SPTY2D1: variants seen among roughly 807,000 people sequenced by gnomAD.
SPTY2D1 encodes protein SPT2 homolog.
SPTY2D1 carries 21 observed loss-of-function variants against 64.0 expected under a neutral mutation model. The ratio of observed to expected loss-of-function variants is 0.33; its 90% CI spans 0.23 to 0.47. SPTY2D1 has a LOEUF of 0.47. Ranked by LOEUF, SPTY2D1 falls within the 20% of genes least tolerant of loss-of-function variation. SPTY2D1 has a pLI of 1.00. For synonymous variants in SPTY2D1, 287 were observed against 286.8 expected (o/e 1.00, Z -0.01); for missense variants, 724 against 837.2 (o/e 0.86, Z 1.67).
chr11:18,614,545 G>C lies in SPTY2D1; in HGVS notation c.1711+18C>G. 1 of 1,587,854 alleles carries C rather than the reference G, an allele frequency of 6.3e-7. No individual in the cohort carries two copies. Among genetic ancestry groups the C allele is most frequent in the South Asian group, 1.1e-5 (1 of 88,394 alleles). ...CTAATGACAAATATATACTCTTTCG[G>C]GTGAGGGGAAATTTTACCTTGGGCA... On this transcript the variant is annotated intron_variant, in intron 3 of 5. Coordinates refer to ENST00000336349, the MANE Select transcript of SPTY2D1 (RefSeq NM_194285.3).
At position 18,634,270 on chromosome 11, in the gene SPTY2D1, C is replaced by A. The variant is rs1291082376; in HGVS notation, c.-13G>T. 1.2e-6 allele frequency: 2 copies of A among 1,614,018 alleles called. No homozygotes were observed. The highest frequency in any genetic ancestry group is 1.7e-6 in the Non-Finnish European group (2 of 1,179,994). ...CTCTGAAGTCCATGTTGGGCCGAGG[C>A]GGGAGAGACTGGGCCAGGCACTCGG... On this transcript the variant is annotated 5_prime_UTR_variant, in exon 1 of 6. Coordinates refer to ENST00000336349, the MANE Select transcript of SPTY2D1 (RefSeq NM_194285.3).
chr11:18,620,716 C>G (rs1241723899), intron 1 of SPTY2D1, among the ~76,000 whole-genome samples: 2 of 151,536 alleles, frequency 1.3e-5, no homozygotes, highest in Non-Finnish European at 2.9e-5. Context: ...GAAACCCTGT[C>G]TCTACTAAAA....
rs1854133647 is a variant in SPTY2D1, at chr11:18,607,789, T to C, written c.*2072A>G. The C allele has an allele frequency of 6.6e-6, 1 of 152,174 alleles. No homozygotes were observed. The highest frequency in any genetic ancestry group is 1.5e-5 in the Non-Finnish European group (1 of 68,036). The allele number at this position is 152,174 out of a possible 1,614,324, so 9.4% of individuals were successfully genotyped here. On this transcript the variant is annotated 3_prime_UTR_variant, in exon 6 of 6. Transcript: ENST00000336349. ...CAACATTTATATTATAGAAATGCAC[T>C]CAGAAGTAACAGACACACAAGGTTA...
intron 1 of SPTY2D1, among the ~76,000 whole-genome samples, chr11:18,629,372 C>T (rs993383134): frequency 7.9e-5 from 12 of 151,956 alleles, no homozygotes; most frequent in African/African-American, 2.9e-4. Flanking sequence ...GGCATGGTGG[C>T]GTGCGGCTGC....
rs760947732 is a variant in SPTY2D1, at chr11:18,614,610, T to C, written c.1664A>G (p.Gln555Arg). ...KNIISRSSNG[Q>R]MNGMKPPLSG... ...TAGGGGAGGCTTCATTCCATTCATC[T>C]GTCCATTGCTGGACCGGCTAATGAT... Residue 555 changes from glutamine (Q) to arginine (R), a missense_variant, in exon 3 of 6, where the codon CAG becomes CGG. Gln to Arg is a conservative substitution (Grantham distance 43, BLOSUM62 1). This residue lies in a region of SPTY2D1 where 119 missense variants were observed against 172.9 expected (regional missense o/e 0.69). Coordinates refer to ENST00000336349, the MANE Select transcript of SPTY2D1 (RefSeq NM_194285.3). 6 of 1,614,124 alleles carry C rather than the reference T, an allele frequency of 3.7e-6. No individual in the cohort carries two copies. The East Asian group carries it at 1.3e-4, about 36-fold the overall frequency.
In SPTY2D1 at chr11:18,609,017, T is replaced by G. The variant is rs1178375848; in HGVS notation, c.*844A>C. ...GGAGGGGAGAGCCTCACATGTTACT[T>G]CCTTATTTTATAAACTATTACTCTT... On this transcript the variant is annotated 3_prime_UTR_variant, in exon 6 of 6. Coordinates refer to ENST00000336349, the MANE Select transcript of SPTY2D1 (RefSeq NM_194285.3). 6.6e-6 allele frequency: 1 copy of G among 152,536 alleles called. No individual in the cohort carries two copies. Among genetic ancestry groups the G allele is most frequent in the African/African-American group, 2.4e-5 (1 of 41,450 alleles). The allele number at this position is 152,536 out of a possible 1,614,324, so 9.4% of individuals were successfully genotyped here. A position where few individuals can be genotyped will look rare whatever the true frequency, so the allele number is the denominator to read the frequency against.
intron 5 of SPTY2D1, among the ~76,000 whole-genome samples, chr11:18,611,258 C>T (rs992356140): frequency 3.3e-5 from 5 of 152,144 alleles, no homozygotes; most frequent in African/African-American, 9.7e-5. Flanking sequence ...GCCTGGTCAA[C>T]ATAGCGAGAC....
Position 18,612,271 on chromosome 11 carries a change from A to G in SPTY2D1, c.1886+43T>C, listed in dbSNP as rs766776119. On this transcript the variant is annotated intron_variant, in intron 4 of 5. Transcript: ENST00000336349. This position sits in a 1 kb window ranked among gnomAD's most constrained non-coding sequence, Gnocchi z 4.6. ...CCCCATGACATGAATTATTCAAAATAAAAAAAGGATGTCATAGTTATCTGA... is the reference window on the plus strand; with the variant it reads ...CCCCATGACATGAATTATTCAAAATGAAAAAAGGATGTCATAGTTATCTGA... 6 of 1,480,732 alleles carry G rather than the reference A, an allele frequency of 4.1e-6. No homozygotes were observed. The Admixed American group carries it at 6.5e-5, about 16-fold the overall frequency. The allele number at this position is 1,480,732 out of a possible 1,614,324, so 91.7% of individuals were successfully genotyped here. A position where few individuals can be genotyped will look rare whatever the true frequency, so the allele number is the denominator to read the frequency against.
intron 1 of SPTY2D1, among the ~76,000 whole-genome samples, chr11:18,624,756 T>C (rs1325354387): frequency 6.6e-6 from 1 of 152,228 alleles, no homozygotes; most frequent in Non-Finnish European, 1.5e-5. Context: ...CCCAGCACTT[T>C]GGGAGGCTGA....
At chr11:18,614,478 G>T in intron 3 of SPTY2D1, 85 bp downstream of exon 3, 1 of 1,332,782 alleles carries the variant, frequency 7.5e-7, no homozygotes, top group Non-Finnish European at 1.0e-6. Flanking sequence ...CACATGAGGG[G>T]TTCAAAGGGT....
intron 1 of SPTY2D1, among the ~76,000 whole-genome samples, chr11:18,617,941 C>G (rs1189831008): frequency 6.6e-6 from 1 of 152,056 alleles, no homozygotes; most frequent in Non-Finnish European, 1.5e-5. Context: ...AACTCCGTCT[C>G]AATCCATCAA....
intron 1 of SPTY2D1, among the ~76,000 whole-genome samples, chr11:18,627,289 C>T (rs752469844): frequency 5.4e-5 from 8 of 149,322 alleles, no homozygotes; most frequent in Non-Finnish European, 1.0e-4. Context: ...ATTAGCCAGG[C>T]GTGGTGGCAC....
Position 18,615,416 on chromosome 11 carries a change from C to T in SPTY2D1, c.858G>A (p.Glu286=), listed in dbSNP as rs1265788404. ...TATTGCCAGATCCTGCCTTGATCCT[C>T]TCTCCTGGCATGGATTTGGATGAAG... is the stretch of plus-strand genomic sequence containing the variant. ...ALSSSKSMPG[E]RIKAGSGNSS... is the part of the protein sequence containing the mutation. The change falls in exon 3 of 6, where the codon GAG becomes GAA. Residue 286 remains glutamate (E), a synonymous_variant. Coordinates refer to ENST00000336349, the MANE Select transcript of SPTY2D1 (RefSeq NM_194285.3). The T allele has an allele frequency of 1.9e-6, 3 of 1,614,100 alleles. No homozygotes were observed. Among genetic ancestry groups the T allele is most frequent in the African/African-American group, 2.7e-5 (2 of 74,938 alleles).
At position 18,634,322 on chromosome 11, in the gene SPTY2D1, G is replaced by A. The variant is rs756538512; in HGVS notation, c.-65C>T. On this transcript the variant is annotated 5_prime_UTR_variant, in exon 1 of 6. Transcript: ENST00000336349. ...AAGGACTGACAGCGCACCTAACCGA[G>A]GCGCCCAGCTACAGCCAACTGCACT... 1.0e-3 allele frequency: 1,573 copies of A among 1,573,544 alleles called. 1 individual carries two copies. The highest frequency in any genetic ancestry group is 1.3e-3 in the Non-Finnish European group (1,495 of 1,145,824).
intron 1 of SPTY2D1, among the ~76,000 whole-genome samples, chr11:18,630,461 G>A (rs1052892842): frequency 1.3e-5 from 2 of 152,134 alleles, no homozygotes; most frequent in African/African-American, 4.8e-5. Flanking sequence ...GTGACAGAAC[G>A]AGACTCGTCT....
intron 2 of SPTY2D1, among the ~76,000 whole-genome samples, chr11:18,616,305 T>C (rs16935602): frequency 0.057 from 8,624 of 152,242 alleles, 811 homozygotes; most frequent in African/African-American, 0.2. Flanking sequence ...AGTGGGAGAC[T>C]TGGTTTTCAG....
At position 18,614,948 on chromosome 11, in the gene SPTY2D1, T is replaced by A. The variant is rs191887049; in HGVS notation, c.1326A>T (p.Ser442=). 3.7e-6 allele frequency: 6 copies of A among 1,613,830 alleles called. No individual in the cohort carries two copies. The Admixed American group carries it at 8.3e-5, about 22-fold the overall frequency. Residue 442 remains serine, a synonymous_variant, in exon 3 of 6, where the codon TCA becomes TCT. Coordinates refer to ENST00000336349, the MANE Select transcript of SPTY2D1 (RefSeq NM_194285.3). The stretch of plus-strand genomic sequence containing the variant: ...CACTGATGGGTCGCCCAGGGCCACC[T>A]GAGCTGCTTGCAGGTTGTCCAGGGC... ...TCGPGQPASS[S]GGPGRPISGS...
At chr11:18,622,954 A>AAAC (rs71050619) in intron 1 of SPTY2D1, among the ~76,000 whole-genome samples, 24,248 of 149,208 alleles carry the variant, frequency 0.16, 2,167 homozygotes, top group East Asian at 0.26. Context: ...CTCTGTCTCA[A>AAAC]AACAACAACA....
chr11:18,612,769 CTTTT>C lies in SPTY2D1; in HGVS notation c.1712-285_1712-282del, dbSNP rs749489129. On this transcript the variant is annotated intron_variant, in intron 3 of 5. Coordinates refer to ENST00000336349, the MANE Select transcript of SPTY2D1 (RefSeq NM_194285.3). The surrounding 1 kb of genome is among the most constrained non-coding windows in gnomAD (Gnocchi z 4.6). ...TAAGATCAGTAAAATTTCTTTCTTT[CTTTT>C]TTTTTTTTTTGAGACAGAGTTTCAC... Among the ~76,000 whole-genome samples the C allele has an allele frequency of 7.0e-6, 1 of 143,054 alleles. No individual in the cohort carries two copies. The highest frequency in any genetic ancestry group is 1.5e-5 in the Non-Finnish European group (1 of 64,930). The allele number at this position is 143,054 out of a possible 152,430, so 93.8% of individuals were successfully genotyped here.
Sources: allele counts gnomAD v4.1 joint callset (sites outside exome capture counted in the v4.1 genomes callset), GRCh38; gene constraint gnomAD v4.1.1; regional missense constraint gnomAD v4.1.1; non-coding constraint Gnocchi (gnomAD v3.1); transcripts MANE v1.5; gene names NCBI Gene and HGNC (gene_info 2026-07-23, HGNC 2026-07-21).